CSNK1A1: variants seen among roughly 807,000 people sequenced by gnomAD.
CSNK1A1 encodes the protein casein kinase 1 alpha 1, also known as casein kinase I isoform alpha.
Under a neutral mutation model 46.1 loss-of-function variants are expected in CSNK1A1, and 7 were observed. The ratio of observed to expected loss-of-function variants is 0.15; its 90% confidence interval spans 0.09 to 0.29. The LOEUF is 0.29. Ranked by LOEUF, CSNK1A1 falls within the 10% of genes least tolerant of loss-of-function variation. CSNK1A1 has a pLI of 1.00. For synonymous variants in CSNK1A1, 137 were observed against 141.5 expected, an observed-to-expected ratio of 0.97 and a Z score of 0.23; for missense variants, 96 against 417.1, an observed-to-expected ratio of 0.23 and a Z score of 6.71.
At chr5:149,522,130 CAG>C (rs1270954167) in intron 3 of CSNK1A1, among the ~76,000 whole-genome samples, 1 of 151,834 alleles carries the variant, frequency 6.6e-6, no homozygotes, top group Non-Finnish European at 1.5e-5. Flanking sequence ...TTTTTTGAGA[CAG>C]AGTCTCACTT....
chr5:149,549,332 G>A (rs987852148), intron 2 of CSNK1A1: 2 of 609,874 alleles, frequency 3.3e-6, no homozygotes, highest in Non-Finnish European at 3.0e-6. Flanking sequence ...CGAAAAGAAA[G>A]AGTAATTAAC....
intron 2 of CSNK1A1, 89 bp downstream of exon 2, chr5:149,549,986 C>G: frequency 6.8e-7 from 1 of 1,467,722 alleles, no homozygotes; most frequent in East Asian, 2.3e-5. Flanking sequence ...CACCAAGACC[C>G]GGATTCAGCT....
rs140485692 is a variant in CSNK1A1 at position 149,506,178 on chromosome 5, C to T, written c.858-583G>A. ...CTGGCCTCAGGTGATCCACCCCCAT[C>T]GGCCTCCCAAAGTGCTAGGATTATA... On this transcript the variant is annotated intron_variant, in intron 8 of 9. Transcript: ENST00000377843. Among the ~76,000 whole-genome samples the T allele has an allele frequency of 6.3e-3, 952 of 152,198 alleles. 7 individuals are homozygous for T. Among genetic ancestry groups the T allele is most frequent in the Middle Eastern group, 0.017 (5 of 290 alleles).
intron 7 of CSNK1A1, among the ~76,000 whole-genome samples, chr5:149,507,418 A>C (rs1434091377): frequency 6.6e-6 from 1 of 151,420 alleles, no homozygotes; most frequent in Non-Finnish European, 1.5e-5. Flanking sequence ...TACATAGCCC[A>C]CTTGTTAAAA....
intron 3 of CSNK1A1, among the ~76,000 whole-genome samples, chr5:149,521,617 T>G (rs1761574937): frequency 6.8e-6 from 1 of 146,736 alleles, no homozygotes. Flanking sequence ...CCATGAGGAT[T>G]TTTTTTTTTT....
At chr5:149,544,824 T>A (rs569355546) in intron 2 of CSNK1A1, among the ~76,000 whole-genome samples, 1 of 146,366 alleles carries the variant, frequency 6.8e-6, no homozygotes, top group Non-Finnish European at 1.5e-5. Context: ...TAGTAGTAGT[T>A]AAGCTTTTGG....
Position 149,525,237 on chromosome 5 carries a change from G to T in CSNK1A1, c.231-66C>A. On this transcript the variant is annotated intron_variant, in intron 2 of 9. Coordinates refer to ENST00000377843, the MANE Select transcript of CSNK1A1 (RefSeq NM_001892.6). The surrounding 1 kb of genome is among the most constrained non-coding windows in gnomAD (Gnocchi z 4.2). ...TATTACTTAATATCATCAACCCTAA[G>T]AATAATATAGTTTTCTTTCACTGAC... 6 of 1,394,702 alleles carry T rather than the reference G, an allele frequency of 4.3e-6. No individual in the cohort carries two copies. Among genetic ancestry groups the T allele is most frequent in the Non-Finnish European group, 5.7e-6 (6 of 1,054,786 alleles). The allele number at this position is 1,394,702 out of a possible 1,614,324, so 86.4% of individuals were successfully genotyped here. A position where few individuals can be genotyped will look rare whatever the true frequency, so the allele number is the denominator to read the frequency against.
chr5:149,503,045 C>A (rs369893645), intron 9 of CSNK1A1: 5 of 982,542 alleles, frequency 5.1e-6, no homozygotes, highest in Non-Finnish European at 6.0e-6. Context: ...GGATAACAGG[C>A]GTGAGCCACT....
At chr5:149,512,432 T>A (rs1422763612) in intron 5 of CSNK1A1, among the ~76,000 whole-genome samples, 2 of 152,174 alleles carry the variant, frequency 1.3e-5, no homozygotes, top group African/African-American at 4.8e-5. Flanking sequence ...ATTCTTGGTA[T>A]GAGGTTCTTT....
rs960010632 is a variant in CSNK1A1 at position 149,505,653 on chromosome 5, C to G, written c.858-58G>C. The G allele has an allele frequency of 2.0e-5, 28 of 1,420,306 alleles. No homozygotes were observed. The Admixed American group carries it at 4.9e-4, about 25-fold the overall frequency. 88.0% of individuals were successfully genotyped at this position (1,420,306 alleles called of 1,614,324 possible). ...TTAATAACAGAGTCCAGTTATATAA[C>G]CTACTAACTTTTTAAGACAGTGACA... is the stretch of plus-strand genomic sequence containing the variant. On this transcript the variant is annotated intron_variant, in intron 8 of 9. Coordinates refer to ENST00000377843, the MANE Select transcript of CSNK1A1 (RefSeq NM_001892.6).
intron 9 of CSNK1A1, chr5:149,497,874 C>T (rs1465011971): frequency 9.3e-6 from 9 of 971,588 alleles, no homozygotes; most frequent in Middle Eastern, 5.3e-4. Flanking sequence ...CGCTCTGTCA[C>T]CCAGGCTGGA....
At chr5:149,536,671 G>C (rs1359405477) in intron 2 of CSNK1A1, among the ~76,000 whole-genome samples, 6 of 152,172 alleles carry the variant, frequency 3.9e-5, no homozygotes, top group Non-Finnish European at 4.4e-5. Context: ...CTCAAAGAAA[G>C]AAAAGATGGC....
chr5:149,517,113 C>T lies in CSNK1A1; in HGVS notation c.456+3177G>A, dbSNP rs1761426707. 6.6e-6 allele frequency among the ~76,000 whole-genome samples: 1 copy of T among 152,030 alleles called. No individual in the cohort carries two copies. The highest frequency in any genetic ancestry group is 1.5e-5 in the Non-Finnish European group (1 of 67,994). ...AAAATTAGTAGGGTGTTTATCCAGCCTGCCAAAAACTAAATTTAATATATT... is the reference window on the plus strand; with the variant it reads ...AAAATTAGTAGGGTGTTTATCCAGCTTGCCAAAAACTAAATTTAATATATT... On this transcript the variant is annotated intron_variant, in intron 4 of 9. Coordinates refer to ENST00000377843, the MANE Select transcript of CSNK1A1 (RefSeq NM_001892.6). The surrounding 1 kb of genome is among the most constrained non-coding windows in gnomAD (Gnocchi z 4.4).
At chr5:149,533,766 T>C (rs1761967936) in intron 2 of CSNK1A1, among the ~76,000 whole-genome samples, 1 of 152,068 alleles carries the variant, frequency 6.6e-6, no homozygotes, top group Non-Finnish European at 1.5e-5. Flanking sequence ...AGGGACAGCA[T>C]GTGGAGAACT....
chr5:149,545,730 C>A (rs1037516935), intron 2 of CSNK1A1: 7 of 643,086 alleles, frequency 1.1e-5, no homozygotes, highest in South Asian at 4.8e-5. Context: ...TCCTCAGGAA[C>A]CTGGAGCCCA....
At chr5:149,504,839 G>C in intron 9 of CSNK1A1, 1 of 985,404 alleles carries the variant, frequency 1.0e-6, no homozygotes, top group Non-Finnish European at 1.2e-6. Context: ...TTTGTGACTA[G>C]AAAAGATGTG....
intron 6 of CSNK1A1, among the ~76,000 whole-genome samples, chr5:149,510,729 T>A (rs1376432463): frequency 6.6e-6 from 1 of 152,082 alleles, no homozygotes; most frequent in Non-Finnish European, 1.5e-5. Flanking sequence ...TCCGCCTGGC[T>A]GGGCCTCCCA....
At chr5:149,512,747 A>C (rs532774313) in intron 5 of CSNK1A1, among the ~76,000 whole-genome samples, 1 of 152,320 alleles carries the variant, frequency 6.6e-6, no homozygotes, top group South Asian at 2.1e-4. Flanking sequence ...CTAAAGTATA[A>C]AAAGCCCCAA....
intron 2 of CSNK1A1, among the ~76,000 whole-genome samples, chr5:149,528,208 A>ACAAGACATATTCACTATTCT (rs1761779700): frequency 6.6e-6 from 1 of 152,166 alleles, no homozygotes; most frequent in South Asian, 2.1e-4. Flanking sequence ...ATTTATGAAC[A>ACAAGACATATTCACTATTCT]CAAGACATAT....
Sources: allele counts gnomAD v4.1 joint callset (sites outside exome capture counted in the v4.1 genomes callset), GRCh38; gene constraint gnomAD v4.1.1; non-coding constraint Gnocchi (gnomAD v3.1); transcripts MANE v1.5; gene names NCBI Gene and HGNC (gene_info 2026-07-23, HGNC 2026-07-21).